The following MTHFD1L variants were observed in gnomAD, a reference collection of about 807,000 sequenced individuals.
MTHFD1L encodes the protein methylenetetrahydrofolate dehydrogenase (NADP+ dependent) 1 like, also known as monofunctional C1-tetrahydrofolate synthase, mitochondrial.
MTHFD1L carries 81 observed loss-of-function variants against 119.5 expected under a neutral mutation model. The observed-to-expected ratio is 0.68, with a 90% CI of 0.57 to 0.82. The LOEUF (loss-of-function observed/expected upper bound fraction) is 0.82, where lower values mean the gene tolerates loss of function less well. Among genes scored for constraint, MTHFD1L ranks in the 40% least tolerant of loss-of-function variants. The probability of loss-of-function intolerance (pLI) is 0.00; values close to 1 mark genes in which losing one functional copy is unlikely to be tolerated. For missense variants in MTHFD1L, 1,125 were observed against 1,253.4 expected, an observed-to-expected ratio of 0.90 and a Z score of 1.55; for synonymous variants, 430 against 475.2, an observed-to-expected ratio of 0.90 and a Z score of 1.24.
intron 27 of MTHFD1L, among the ~76,000 whole-genome samples, chr6:151,100,964 G>C (rs953001656): frequency 9.9e-5 from 15 of 152,014 alleles, no homozygotes; most frequent in African/African-American, 3.6e-4. Flanking sequence ...TTCAAGACCA[G>C]CCTGGCCAAC....
At chr6:151,004,448 A>G (rs1258191411) in intron 20 of MTHFD1L, among the ~76,000 whole-genome samples, 1 of 152,200 alleles carries the variant, frequency 6.6e-6, no homozygotes, top group African/African-American at 2.4e-5. Context: ...GAAGAATATC[A>G]TGGATACTAC....
chr6:150,959,738 T>C (rs966819352), intron 17 of MTHFD1L, among the ~76,000 whole-genome samples: 2 of 152,158 alleles, frequency 1.3e-5, no homozygotes, highest in African/African-American at 4.8e-5. Flanking sequence ...AGACAGACAA[T>C]GCAGCCTTCT....
intron 1 of MTHFD1L, among the ~76,000 whole-genome samples, chr6:150,869,123 C>T (rs1422384221): frequency 6.6e-6 from 1 of 152,126 alleles, no homozygotes; most frequent in Non-Finnish European, 1.5e-5. Flanking sequence ...TGCTTTTGCA[C>T]ACTTAATAGA....
chr6:151,089,296 G>A (rs2128646270), intron 26 of MTHFD1L, among the ~76,000 whole-genome samples: 1 of 152,298 alleles, frequency 6.6e-6, no homozygotes, highest in South Asian at 2.1e-4. Context: ...ACAGATTATA[G>A]AGGCATCTTA....
intron 11 of MTHFD1L, among the ~76,000 whole-genome samples, chr6:150,934,781 G>A (rs570507650): frequency 2.6e-5 from 4 of 152,264 alleles, no homozygotes; most frequent in Non-Finnish European, 5.9e-5. Flanking sequence ...ATTTTTTAAC[G>A]ATGCTTGAGA....
intron 13 of MTHFD1L, among the ~76,000 whole-genome samples, chr6:150,941,839 G>A (rs897451453): frequency 1.3e-5 from 2 of 152,172 alleles, no homozygotes; most frequent in African/African-American, 4.8e-5. Flanking sequence ...CAAGTAGACG[G>A]CTGGAAAGAA....
intron 26 of MTHFD1L, among the ~76,000 whole-genome samples, chr6:151,087,014 C>A (rs1444905311): frequency 6.6e-6 from 1 of 152,104 alleles, no homozygotes; most frequent in Middle Eastern, 3.2e-3. Flanking sequence ...CTTTGGGAGG[C>A]CGAGGCAGAC....
intron 17 of MTHFD1L, among the ~76,000 whole-genome samples, chr6:150,956,985 G>A (rs1795741964): frequency 6.6e-6 from 1 of 152,128 alleles, no homozygotes; most frequent in African/African-American, 2.4e-5. Context: ...TGAAGTTTTA[G>A]ATAGTTCTGA....
At chr6:151,093,602 G>A (rs1794644268) in intron 27 of MTHFD1L, among the ~76,000 whole-genome samples, 1 of 152,086 alleles carries the variant, frequency 6.6e-6, no homozygotes, top group African/African-American at 2.4e-5. Flanking sequence ...GTTGCAGTGA[G>A]CTGAGATTGC....
rs12665791 is a variant in MTHFD1L at position 150,969,851 on chromosome 6, C to T, written c.2014-2096C>T. 4.2e-4 allele frequency among the ~76,000 whole-genome samples: 64 copies of T among 152,222 alleles called. No homozygotes were observed. The East Asian group carries it at 6.4e-3, about 15-fold the overall frequency. ...CCATCTTCAGGATGTTCCGTGTCAT[C>T]GATTTCATTTAAGGCATAGGCTGTT... On this transcript the variant is annotated intron_variant, in intron 19 of 27. Coordinates refer to ENST00000367321, the MANE Select transcript of MTHFD1L (RefSeq NM_015440.5).
intron 11 of MTHFD1L, chr6:150,934,840 C>T: frequency 8.4e-7 from 1 of 1,194,308 alleles, no homozygotes; most frequent in Non-Finnish European, 1.2e-6. Flanking sequence ...AAATGCCTGC[C>T]AATGCTTTCT....
At chr6:151,018,425 A>G (rs1783462069) in intron 24 of MTHFD1L, among the ~76,000 whole-genome samples, 1 of 152,152 alleles carries the variant, frequency 6.6e-6, no homozygotes, top group Non-Finnish European at 1.5e-5. Context: ...GTTGTTTGTG[A>G]GCTGGGTATA....
chr6:150,905,517 G>A (rs1035123300), intron 7 of MTHFD1L, 133 bp from the exon 8 acceptor site: 14 of 650,290 alleles, frequency 2.2e-5, no homozygotes, highest in Middle Eastern at 2.6e-4. Context: ...TTAGTAAAGC[G>A]ATTCCATCCT....
chr6:151,051,652 C>G (rs1279428173), intron 26 of MTHFD1L, among the ~76,000 whole-genome samples: 4 of 152,288 alleles, frequency 2.6e-5, no homozygotes, highest in South Asian at 4.1e-4. Context: ...GCCATACCCC[C>G]CCAGAGGCAG....
intron 7 of MTHFD1L, among the ~76,000 whole-genome samples, chr6:150,894,103 G>A (rs992879750): frequency 2.6e-5 from 4 of 152,072 alleles, no homozygotes; most frequent in Non-Finnish European, 5.9e-5. Context: ...TTAGCCAGGC[G>A]TGGTGGCTGT....
chr6:151,066,437 CAAAAAAA>C (rs35065800), intron 26 of MTHFD1L, among the ~76,000 whole-genome samples: 1 of 50,686 alleles, frequency 2.0e-5, no homozygotes. Flanking sequence ...GACTCCATCT[CAAAAAAA>C]AAAAAAAAAA....
chr6:150,908,920 C>T (rs1257380864), intron 8 of MTHFD1L, among the ~76,000 whole-genome samples: 1 of 151,854 alleles, frequency 6.6e-6, no homozygotes, highest in African/African-American at 2.4e-5. Context: ...CTTATTTAAA[C>T]TTAAGATGAG....
chr6:151,015,798 G>T (rs1222500750), intron 24 of MTHFD1L, 105 bp downstream of exon 24: 8 of 1,381,556 alleles, frequency 5.8e-6, no homozygotes, highest in African/African-American at 1.5e-5. Flanking sequence ...AAAGATAGAA[G>T]AGTTTAGGCC....
chr6:150,938,814 A>T (rs1053849177), intron 13 of MTHFD1L, 69 bp downstream of exon 13: 11 of 1,527,498 alleles, frequency 7.2e-6, no homozygotes, highest in Non-Finnish European at 8.9e-6. Context: ...CTCTGCTCCC[A>T]TCCACACAGG....
Sources: allele counts gnomAD v4.1 joint callset (sites outside exome capture counted in the v4.1 genomes callset), GRCh38; gene constraint gnomAD v4.1.1; transcripts MANE v1.5; gene names NCBI Gene and HGNC (gene_info 2026-07-23, HGNC 2026-07-21).